Variants in RNF6 observed in about 807,000 individuals in gnomAD.
The protein encoded by RNF6 is E3 ubiquitin-protein ligase RNF6.
A neutral mutation model predicts 50.1 loss-of-function variants in RNF6; 21 were observed. The ratio of observed to expected loss-of-function variants is 0.42; its 90% CI spans 0.30 to 0.60. RNF6 has a LOEUF of 0.60. Ranked by LOEUF, RNF6 falls within the 20% of genes least tolerant of loss-of-function variation. The pLI, the probability that RNF6 is intolerant of heterozygous loss-of-function variation, is 0.20. For missense variants in RNF6, 698 were observed against 838.2 expected, an observed-to-expected ratio of 0.83 and a Z score of 2.07; for synonymous variants, 255 against 291.8, an observed-to-expected ratio of 0.87 and a Z score of 1.29.
intron 5 of RNF6, among the ~76,000 whole-genome samples, chr13:26,140,227 TAAAAC>T (rs1215784105): frequency 2.0e-5 from 3 of 152,212 alleles, no homozygotes; most frequent in Non-Finnish European, 4.4e-5. Flanking sequence ...AATCAGGTGT[TAAAAC>T]AAAAACTTCA....
chr13:26,198,631 G>A (rs1013183392), intron 5 of RNF6, among the ~76,000 whole-genome samples: 1 of 151,706 alleles, frequency 6.6e-6, no homozygotes, highest in African/African-American at 2.4e-5. Flanking sequence ...ACTTAACACT[G>A]TAATGAAGGT....
chr13:26,202,156 C>T (rs1868922791), intron 5 of RNF6, among the ~76,000 whole-genome samples: 1 of 152,158 alleles, frequency 6.6e-6, no homozygotes, highest in South Asian at 2.1e-4. Flanking sequence ...TCTCAGATGA[C>T]TTGGGCAAAT....
At chr13:26,161,755 C>T (rs1262690097) in intron 5 of RNF6, among the ~76,000 whole-genome samples, 2 of 152,124 alleles carry the variant, frequency 1.3e-5, no homozygotes, top group African/African-American at 2.4e-5. Flanking sequence ...ATTATAAAGG[C>T]GTGTCCTGGA....
At chr13:26,182,302 G>T (rs1171326421) in intron 5 of RNF6, among the ~76,000 whole-genome samples, 2 of 152,010 alleles carry the variant, frequency 1.3e-5, no homozygotes, top group Non-Finnish European at 2.9e-5. Context: ...CAGACCCATC[G>T]ATTTAAAGAA....
At chr13:26,219,732 T>G (rs761125051) in intron 2 of RNF6, 65 bp from the exon 3 acceptor site, 38 of 1,395,008 alleles carry the variant, frequency 2.7e-5, no homozygotes, top group East Asian at 4.7e-5. Context: ...CTTTGTATTT[T>G]TAACTTGCAG....
chr13:26,155,377 C>CTT (rs1871860877), intron 5 of RNF6, among the ~76,000 whole-genome samples: 2 of 151,414 alleles, frequency 1.3e-5, no homozygotes, highest in Admixed American at 1.3e-4. Flanking sequence ...TTTAATTCTA[C>CTT]TTTGTGTAAC....
intron 5 of RNF6, among the ~76,000 whole-genome samples, chr13:26,188,668 C>T: frequency 9.3e-6 from 1 of 107,746 alleles, no homozygotes; most frequent in Non-Finnish European, 1.7e-5. Context: ...TGAAGTCTCA[C>T]TCTGTTGCCA....
chr13:26,150,049 T>C (rs1871505019), intron 5 of RNF6, among the ~76,000 whole-genome samples: 1 of 42,186 alleles, frequency 2.4e-5, no homozygotes, highest in Admixed American at 2.7e-4. Flanking sequence ...ATATAATGTG[T>C]ATATATATAT....
At chr13:26,173,123 GA>G (rs1328117784) in intron 5 of RNF6, among the ~76,000 whole-genome samples, 1 of 152,216 alleles carries the variant, frequency 6.6e-6, no homozygotes, top group African/African-American at 2.4e-5. Context: ...GAAACCGGCA[GA>G]GTACACATAA....
intron 5 of RNF6, among the ~76,000 whole-genome samples, chr13:26,138,218 G>C (rs1337122164): frequency 6.6e-6 from 1 of 152,024 alleles, no homozygotes; most frequent in Admixed American, 6.5e-5. Flanking sequence ...GTACTGGAAG[G>C]AAAAAATTGT....
intron 5 of RNF6, among the ~76,000 whole-genome samples, chr13:26,202,840 G>A (rs542772265): frequency 6.6e-6 from 1 of 152,228 alleles, no homozygotes; most frequent in South Asian, 2.1e-4. Flanking sequence ...AAGGCAAATG[G>A]GCCACAAACT....
intron 5 of RNF6, among the ~76,000 whole-genome samples, chr13:26,152,994 A>T (rs1871702037): frequency 6.6e-6 from 1 of 151,938 alleles, no homozygotes; most frequent in South Asian, 2.1e-4. Context: ...CTCTATAAAA[A>T]ATACAAAAAT....
rs997362253 is a variant in RNF6 at position 26,221,329 on chromosome 13, A to C, written c.-100T>G. 1 of 152,212 alleles carries C rather than the reference A, an allele frequency of 6.6e-6. No individual in the cohort carries two copies. Among genetic ancestry groups the C allele is most frequent in the African/African-American group, 2.4e-5 (1 of 41,462 alleles). The allele number at this position is 152,212 out of a possible 1,614,324, so 9.4% of individuals were successfully genotyped here. A position where few individuals can be genotyped will look rare whatever the true frequency, so the allele number is the denominator to read the frequency against. ...TTTGTGCCTTTTTTGAGAGCTGCCC[A>C]TCTGAAGCAATAAAAGAGAGTTGAA... On this transcript the variant is annotated splice_region_variant and 5_prime_UTR_variant, in exon 2 of 5. The change abolishes an upstream ATG in the 5' untranslated region. Transcript: ENST00000381588.
chr13:26,204,474 G>GCAA (rs1242318365), intron 5 of RNF6, among the ~76,000 whole-genome samples: 4 of 132,550 alleles, frequency 3.0e-5, no homozygotes, highest in African/African-American at 1.2e-4. Context: ...TTTAGCCTGG[G>GCAA]CAACAGAGCG....
intron 5 of RNF6, among the ~76,000 whole-genome samples, chr13:26,133,499 GA>G (rs1037696676): frequency 6.6e-6 from 1 of 152,194 alleles, no homozygotes; most frequent in African/African-American, 2.4e-5. Context: ...CTTGAAACCT[GA>G]TCACGTTTGT....
intron 5 of RNF6, among the ~76,000 whole-genome samples, chr13:26,154,619 C>A (rs1871807134): frequency 6.6e-6 from 1 of 152,142 alleles, no homozygotes; most frequent in Admixed American, 6.5e-5. Context: ...AAGATACCTG[C>A]CTATCTGATA....
chr13:26,196,266 A>C (rs1487807397), intron 5 of RNF6, among the ~76,000 whole-genome samples: 1 of 152,230 alleles, frequency 6.6e-6, no homozygotes, highest in African/African-American at 2.4e-5. Flanking sequence ...AAAAGTATAA[A>C]ATCATTAAAA....
downstream of RNF6, among the ~76,000 whole-genome samples, chr13:26,212,324 AC>A (rs1210713805): frequency 2.0e-5 from 3 of 152,214 alleles, no homozygotes; most frequent in Non-Finnish European, 4.4e-5. Context: ...AAACTGACCT[AC>A]ATAAATAATT....
chr13:26,146,359 G>A (rs2137569485), intron 5 of RNF6, among the ~76,000 whole-genome samples: 1 of 152,326 alleles, frequency 6.6e-6, no homozygotes, highest in African/African-American at 2.4e-5. Flanking sequence ...GTGGTTGGGT[G>A]CTGCCACTTG....
Sources: gnomAD v4.1 joint callset for allele counts (sites outside exome capture counted in the v4.1 genomes callset) on GRCh38, gnomAD v4.1.1 for gene constraint, MANE v1.5 for transcripts, NCBI Gene and HGNC (gene_info 2026-07-23, HGNC 2026-07-21) for gene names.